Variants in ACTL8 observed in about 807,000 individuals in gnomAD.
ACTL8 encodes actin-like protein 8.
In ACTL8, 3 loss-of-function variants were observed where a neutral mutation model predicts 9.3. The observed-to-expected ratio is 0.32, with a 90% CI of 0.15 to 0.83. The LOEUF is 0.83. Ranked by LOEUF, ACTL8 falls within the 40% of genes least tolerant of loss-of-function variation. The pLI is 0.57. For synonymous variants in ACTL8, 224 were observed against 205.9 expected, an observed-to-expected ratio of 1.09 and a Z score of -0.75; for missense variants, 381 against 492.2, an observed-to-expected ratio of 0.77 and a Z score of 2.14.
At chr1:17,762,577 G>A (rs1419290498) in intron 1 of ACTL8, among the ~76,000 whole-genome samples, 1 of 152,202 alleles carries the variant, frequency 6.6e-6, no homozygotes, top group Non-Finnish European at 1.5e-5. Flanking sequence ...CGGCCAGGCA[G>A]CTTGAGTGTG....
chr1:17,778,198 T>A (rs1415882093), intron 1 of ACTL8, among the ~76,000 whole-genome samples: 1 of 152,210 alleles, frequency 6.6e-6, no homozygotes, highest in Middle Eastern at 3.2e-3. Flanking sequence ...TGGGGTAGGC[T>A]GGGGCAGCTT....
chr1:17,772,976 C>T lies in ACTL8; in HGVS notation c.-25+17472C>T, dbSNP rs141809595. On this transcript the variant is annotated intron_variant, in intron 1 of 2. Transcript: ENST00000375406. The stretch of plus-strand genomic sequence containing the variant: ...ACATTTTCCTAATGTGGTTGACCCT[C>T]GCTCACAGCAGCGAGCTTATCAAAG... Among the ~76,000 whole-genome samples, 1,349 of 152,226 alleles carry T rather than the reference C, an allele frequency of 8.9e-3. 21 individuals carry two copies. Among genetic ancestry groups the T allele is most frequent in the Middle Eastern group, 0.034 (10 of 292 alleles).
intron 1 of ACTL8, among the ~76,000 whole-genome samples, chr1:17,768,172 G>A (rs1292498380): frequency 6.6e-6 from 1 of 151,164 alleles, no homozygotes; most frequent in South Asian, 2.1e-4. Context: ...ATAGGGTGGC[G>A]GGCAGGTGGG....
intron 1 of ACTL8, among the ~76,000 whole-genome samples, chr1:17,805,599 T>C (rs1427051428): frequency 6.6e-6 from 1 of 152,016 alleles, no homozygotes; most frequent in African/African-American, 2.4e-5. Flanking sequence ...CAGGCTGGTC[T>C]CAAACTCCTG....
At chr1:17,758,195 C>T (rs1262129866) in intron 1 of ACTL8, among the ~76,000 whole-genome samples, 2 of 152,108 alleles carry the variant, frequency 1.3e-5, no homozygotes, top group Non-Finnish European at 2.9e-5. Flanking sequence ...ATAAGGGGGT[C>T]CTGGAGTAGC....
intron 1 of ACTL8, among the ~76,000 whole-genome samples, chr1:17,790,163 C>G (rs1404510238): frequency 6.6e-6 from 1 of 152,234 alleles, no homozygotes; most frequent in Non-Finnish European, 1.5e-5. Context: ...ACGGCTGGCA[C>G]CGGGGAACAC....
At chr1:17,784,049 A>G (rs12066922) in intron 1 of ACTL8, among the ~76,000 whole-genome samples, 10,095 of 152,240 alleles carry the variant, frequency 0.066, 1,003 homozygotes, top group African/African-American at 0.21. Flanking sequence ...CCATTTTCAT[A>G]CTGATATAAA....
chr1:17,773,454 ACAAATG>A (rs2066097191), intron 1 of ACTL8, among the ~76,000 whole-genome samples: 1 of 152,252 alleles, frequency 6.6e-6, no homozygotes, highest in Admixed American at 6.5e-5. Flanking sequence ...GCAAGCATTA[ACAAATG>A]CAGGCTCTTC....
At chr1:17,811,073 G>C (rs575624144) in intron 1 of ACTL8, among the ~76,000 whole-genome samples, 2 of 152,344 alleles carry the variant, frequency 1.3e-5, no homozygotes, top group Admixed American at 1.3e-4. Flanking sequence ...CTGTTTTCCA[G>C]AGTGTACACT....
chr1:17,758,137 A>C (rs77642464), intron 1 of ACTL8, among the ~76,000 whole-genome samples: 7,654 of 152,206 alleles, frequency 0.05, 466 homozygotes, highest in East Asian at 0.31. Context: ...GGCCACTGTG[A>C]ATATAGAGGC....
rs200359430 is a variant in ACTL8, at chr1:17,799,598, CTCTCTTTTTTT to C, written c.-24-23381_-24-23371del. Reference sequence around the variant, plus strand: ...CAGAAATCTATTTCTTTGTTGCTTCCTCTCTTTTTTTTCTCTGGCCTTAGAAATTGTGTGTG... The same window carrying C: ...CAGAAATCTATTTCTTTGTTGCTTCCTCTCTGGCCTTAGAAATTGTGTGTG... On this transcript the variant is annotated intron_variant, in intron 1 of 2. Transcript: ENST00000375406. 7.5e-3 allele frequency among the ~76,000 whole-genome samples: 1,145 copies of C among 151,950 alleles called. 11 individuals are homozygous for C. Among genetic ancestry groups the C allele is most frequent in the African/African-American group, 0.026 (1,084 of 41,416 alleles).
chr1:17,759,939 A>G (rs533965229), intron 1 of ACTL8, among the ~76,000 whole-genome samples: 1 of 152,262 alleles, frequency 6.6e-6, no homozygotes, highest in South Asian at 2.1e-4. Context: ...CATTATGGTT[A>G]ATAATCCTTT....
intron 1 of ACTL8, among the ~76,000 whole-genome samples, chr1:17,803,804 G>T (rs2066339965): frequency 6.6e-6 from 1 of 152,226 alleles, no homozygotes; most frequent in Non-Finnish European, 1.5e-5. Context: ...GAGTGATAGG[G>T]AGTCTAAGCA....
chr1:17,786,267 T>C (rs568489281), intron 1 of ACTL8, among the ~76,000 whole-genome samples: 48 of 152,290 alleles, frequency 3.2e-4, no homozygotes, highest in African/African-American at 1.1e-3. Flanking sequence ...CCTTACCCTA[T>C]TGATTAGAAG....
intron 1 of ACTL8, among the ~76,000 whole-genome samples, chr1:17,798,179 G>A (rs2066292159): frequency 6.6e-6 from 1 of 152,162 alleles, no homozygotes; most frequent in South Asian, 2.1e-4. Flanking sequence ...CATCAGTCCC[G>A]GCTCTGCCTT....
At chr1:17,805,863 C>T (rs1475497748) in intron 1 of ACTL8, among the ~76,000 whole-genome samples, 1 of 152,202 alleles carries the variant, frequency 6.6e-6, no homozygotes, top group Non-Finnish European at 1.5e-5. Flanking sequence ...ACCCCACTGC[C>T]TCTTCCTAAC....
chr1:17,819,199 G>A (rs896047293), intron 1 of ACTL8, among the ~76,000 whole-genome samples: 2 of 152,170 alleles, frequency 1.3e-5, no homozygotes, highest in Non-Finnish European at 2.9e-5. Context: ...TGCCAGGGCC[G>A]AGAAGCATTT....
At chr1:17,812,181 T>C (rs965654976) in intron 1 of ACTL8, among the ~76,000 whole-genome samples, 1 of 152,070 alleles carries the variant, frequency 6.6e-6, no homozygotes, top group Non-Finnish European at 1.5e-5. Context: ...TATAAACTTA[T>C]AGTGGGCCTT....
chr1:17,780,836 T>TG (rs1328629646), intron 1 of ACTL8, among the ~76,000 whole-genome samples: 1 of 152,068 alleles, frequency 6.6e-6, no homozygotes, highest in African/African-American at 2.4e-5. Flanking sequence ...CAGGGAGCCC[T>TG]GGCCTGGACA....
Sources: allele counts gnomAD v4.1 joint callset (sites outside exome capture counted in the v4.1 genomes callset), GRCh38; gene constraint gnomAD v4.1.1; transcripts MANE v1.5; gene names NCBI Gene and HGNC (gene_info 2026-07-23, HGNC 2026-07-21).